Variants in CDK14 observed in about 807,000 individuals in gnomAD.
The protein encoded by CDK14 is cyclin-dependent kinase 14.
Under a neutral mutation model 60.7 loss-of-function variants are expected in CDK14, and 34 were observed. The observed-to-expected ratio is 0.56, with a 90% confidence interval of 0.43 to 0.75. The LOEUF is 0.75. Among genes scored for constraint, CDK14 ranks in the 30% least tolerant of loss-of-function variants. The pLI is 0.00. For missense variants in CDK14, 482 were observed against 564.1 expected (o/e 0.85, Z 1.47); for synonymous variants, 197 against 203.7 (o/e 0.97, Z 0.28).
intron 4 of CDK14, among the ~76,000 whole-genome samples, chr7:90,788,265 G>A (rs1805681712): frequency 6.6e-6 from 1 of 152,066 alleles, no homozygotes; most frequent in Non-Finnish European, 1.5e-5. Context: ...GAGCTCAACT[G>A]GGCTGAGAAA....
intron 4 of CDK14, among the ~76,000 whole-genome samples, chr7:90,767,703 C>A (rs1321829591): frequency 6.6e-6 from 1 of 152,114 alleles, no homozygotes; most frequent in East Asian, 1.9e-4. Flanking sequence ...TCCTGACTCG[C>A]CAGCACCTTT....
chr7:90,871,759 G>T (rs976973441), intron 6 of CDK14, among the ~76,000 whole-genome samples: 2 of 152,266 alleles, frequency 1.3e-5, no homozygotes, highest in East Asian at 1.9e-4. Flanking sequence ...TAGATGTAAG[G>T]TCCCTTCATT....
chr7:90,842,135 C>G (rs1397319508), intron 5 of CDK14, among the ~76,000 whole-genome samples: 1 of 152,074 alleles, frequency 6.6e-6, no homozygotes, highest in Admixed American at 6.6e-5. Flanking sequence ...TTATTATACT[C>G]AAAACGATGA....
rs145425369 is a variant in CDK14, at chr7:90,747,025, A to C, written c.370-656A>C. Among the ~76,000 whole-genome samples the C allele has an allele frequency of 4.9e-3, 744 of 152,294 alleles. 3 individuals are homozygous for C. The highest frequency in any genetic ancestry group is 0.016 in the African/African-American group (672 of 41,566). On this transcript the variant is annotated intron_variant, in intron 3 of 14. Coordinates refer to ENST00000380050, the MANE Select transcript of CDK14 (RefSeq NM_001287135.2). Reference sequence around the variant, plus strand: ...CAGCTTTGTCAGCCATATGATCTGTATTGGAACTACAGCTGTGTTGTAGTT... The same window carrying C: ...CAGCTTTGTCAGCCATATGATCTGTCTTGGAACTACAGCTGTGTTGTAGTT...
chr7:90,835,531 A>G (rs1225894106), intron 5 of CDK14, among the ~76,000 whole-genome samples: 3 of 152,298 alleles, frequency 2.0e-5, no homozygotes, highest in African/African-American at 7.2e-5. Context: ...GTGCAAGACA[A>G]TGATAGTGAA....
At chr7:90,614,370 A>G (rs988012733) in intron 2 of CDK14, among the ~76,000 whole-genome samples, 2 of 152,194 alleles carry the variant, frequency 1.3e-5, no homozygotes, top group Admixed American at 6.5e-5. Flanking sequence ...TAATTACAAG[A>G]TATTGGAACC....
At chr7:90,625,409 T>A (rs2116384983) in intron 2 of CDK14, among the ~76,000 whole-genome samples, 1 of 152,338 alleles carries the variant, frequency 6.6e-6, no homozygotes, top group African/African-American at 2.4e-5. Context: ...TTTCAGTTGG[T>A]TAGTTTCTTC....
Position 91,170,285 on chromosome 7 carries a change from A to AT in CDK14, c.*29-36876dup, listed in dbSNP as rs528920629. 1.3e-3 allele frequency among the ~76,000 whole-genome samples: 194 copies of AT among 152,308 alleles called. 1 individual carries two copies. Among genetic ancestry groups the AT allele is most frequent in the African/African-American group, 4.4e-3 (183 of 41,570 alleles). On this transcript the variant is annotated intron_variant, in intron 14 of 14. Coordinates refer to ENST00000380050, the MANE Select transcript of CDK14 (RefSeq NM_001287135.2). ...AGCATATTTCTCCACAAGATACTGG[A>AT]TTTTGGGGCTCTTTTAACATTCCCT... is the stretch of plus-strand genomic sequence containing the variant.
chr7:90,714,362 A>G (rs1397713369), intron 2 of CDK14, among the ~76,000 whole-genome samples: 2 of 152,054 alleles, frequency 1.3e-5, no homozygotes, highest in Non-Finnish European at 2.9e-5. Context: ...AAACAGCAGG[A>G]TGTGTGTATC....
chr7:90,977,885 G>A (rs933105423), intron 9 of CDK14, among the ~76,000 whole-genome samples: 1 of 152,062 alleles, frequency 6.6e-6, no homozygotes, highest in Non-Finnish European at 1.5e-5. Context: ...ACCTTGTCCC[G>A]ATCTTGTAGA....
At chr7:90,862,468 C>T (rs1035933969) in intron 5 of CDK14, among the ~76,000 whole-genome samples, 8 of 152,032 alleles carry the variant, frequency 5.3e-5, no homozygotes, top group African/African-American at 1.9e-4. Flanking sequence ...CATACCAATC[C>T]TAAACATGTA....
At chr7:91,001,196 G>A (rs1324663359) in intron 10 of CDK14, among the ~76,000 whole-genome samples, 6 of 152,060 alleles carry the variant, frequency 3.9e-5, no homozygotes. Context: ...TAAATATTGG[G>A]GAGAAACAGT....
At chr7:90,984,669 C>A (rs1795326258) in intron 10 of CDK14, among the ~76,000 whole-genome samples, 1 of 152,146 alleles carries the variant, frequency 6.6e-6, no homozygotes, top group Admixed American at 6.5e-5. Context: ...GTGGAGACAC[C>A]AGTTAAACAG....
chr7:90,825,917 A>G (rs1313994559), intron 5 of CDK14, among the ~76,000 whole-genome samples: 1 of 152,238 alleles, frequency 6.6e-6, no homozygotes, highest in African/African-American at 2.4e-5. Context: ...TCTGTTAGTC[A>G]AAATTTCTAG....
At chr7:90,966,906 A>G (rs1794768559) in intron 9 of CDK14, among the ~76,000 whole-genome samples, 2 of 152,082 alleles carry the variant, frequency 1.3e-5, no homozygotes, top group Non-Finnish European at 2.9e-5. Context: ...TCTTCTCAAA[A>G]CAGGTTACCT....
At chr7:90,620,567 A>G (rs1799745284) in intron 2 of CDK14, among the ~76,000 whole-genome samples, 1 of 152,146 alleles carries the variant, frequency 6.6e-6, no homozygotes, top group African/African-American at 2.4e-5. Flanking sequence ...CCTTATCTGT[A>G]CAACAGAGGT....
intron 14 of CDK14, among the ~76,000 whole-genome samples, chr7:91,135,908 A>T (rs1800266250): frequency 6.6e-6 from 1 of 152,174 alleles, no homozygotes. Context: ...AGTGAGTCAT[A>T]CCATCAAAGT....
intron 14 of CDK14, among the ~76,000 whole-genome samples, chr7:91,174,975 T>C (rs1245009026): frequency 6.8e-6 from 1 of 146,118 alleles, no homozygotes; most frequent in South Asian, 2.2e-4. Flanking sequence ...AGATACTCCT[T>C]GAGAAGAGCA....
chr7:91,012,608 C>G (rs1796193999), intron 10 of CDK14, among the ~76,000 whole-genome samples: 1 of 152,130 alleles, frequency 6.6e-6, no homozygotes, highest in Non-Finnish European at 1.5e-5. Flanking sequence ...TTACCTGTCT[C>G]TAGAATCACT....
Sources: gnomAD v4.1 joint callset for allele counts (sites outside exome capture counted in the v4.1 genomes callset) on GRCh38, gnomAD v4.1.1 for gene constraint, MANE v1.5 for transcripts, NCBI Gene and HGNC (gene_info 2026-07-23, HGNC 2026-07-21) for gene names.